The following PRR5 variants were observed in gnomAD, a reference collection of about 807,000 sequenced individuals.
The protein encoded by PRR5 is proline-rich protein 5.
In PRR5, 25 loss-of-function variants were observed where a neutral mutation model predicts 30.6. The ratio of observed to expected loss-of-function variants is 0.82; its 90% CI spans 0.60 to 1.14. The LOEUF (loss-of-function observed/expected upper bound fraction) is 1.14, where lower values mean the gene tolerates loss of function less well. Ranked by LOEUF, PRR5 falls within the 50% of genes most tolerant of loss-of-function variation. The pLI is 0.00. For missense variants in PRR5, 600 were observed against 547.1 expected (o/e 1.10, Z -0.96); for synonymous variants, 286 against 247.1 (o/e 1.16, Z -1.48).
chr22:44,730,354 C>T, intron 4 of PRR5: 2 of 984,934 alleles, frequency 2.0e-6, no homozygotes, highest in Non-Finnish European at 2.4e-6. Flanking sequence ...TTCCAGGGGA[C>T]AGCAGAGGCC....
intron 1 of PRR5, among the ~76,000 whole-genome samples, chr22:44,692,918 C>A (rs1418390187): frequency 1.3e-5 from 2 of 152,096 alleles, no homozygotes; most frequent in Non-Finnish European, 2.9e-5. Flanking sequence ...GGCTGGGATA[C>A]CTTTGCAGAG....
intron 1 of PRR5, among the ~76,000 whole-genome samples, chr22:44,669,567 CAG>C (rs1200767336): frequency 6.6e-6 from 1 of 152,250 alleles, no homozygotes; most frequent in Non-Finnish European, 1.5e-5. Flanking sequence ...CTGACCTAAT[CAG>C]ATGGATTTCT....
chr22:44,701,185 A>G (rs1217886962), upstream of PRR5, among the ~76,000 whole-genome samples: 1 of 152,024 alleles, frequency 6.6e-6, no homozygotes, highest in African/African-American at 2.4e-5. Flanking sequence ...TCTCTCTTAC[A>G]TTTTATATGG....
rs187877854 is a variant in PRR5 at position 44,707,155 on chromosome 22, G to A, written c.134+4547G>A. ...GTCCCTGTTCCCTGCTAGCTCCCAG[G>A]CAGCTCCAGTTCACTCCTCCCTGGG... On this transcript the variant is annotated intron_variant, in intron 1 of 7. Coordinates refer to ENST00000336985, the MANE Select transcript of PRR5 (RefSeq NM_181333.4). 9.3e-3 allele frequency among the ~76,000 whole-genome samples: 1,423 copies of A among 152,302 alleles called. 14 individuals carry two copies. The highest frequency in any genetic ancestry group is 0.015 in the Non-Finnish European group (1,043 of 68,006).
At chr22:44,723,263 C>T (rs1930212195) in intron 2 of PRR5, among the ~76,000 whole-genome samples, 1 of 151,974 alleles carries the variant, frequency 6.6e-6, no homozygotes, top group Admixed American at 6.6e-5. Context: ...GGATTACAGG[C>T]ATGAGCTACT....
chr22:44,735,548 A>T lies in PRR5; in HGVS notation c.691+386A>T, dbSNP rs557101152. ...GGAGGGACTCGGCCTGGGGGTGGGCAGGCTGAGCCCTGTGGGCAGCATCCC... is the reference window on the plus strand; with the variant it reads ...GGAGGGACTCGGCCTGGGGGTGGGCTGGCTGAGCCCTGTGGGCAGCATCCC... On this transcript the variant is annotated intron_variant, in intron 7 of 7. Transcript: ENST00000336985. Among the ~76,000 whole-genome samples the T allele has an allele frequency of 4.8e-3, 730 of 152,286 alleles. 3 individuals carry two copies. Among genetic ancestry groups the T allele is most frequent in the African/African-American group, 0.017 (690 of 41,554 alleles).
At chr22:44,732,148 G>T in intron 5 of PRR5, 103 bp from the exon 6 acceptor site, 1 of 1,541,932 alleles carries the variant, frequency 6.5e-7, no homozygotes, top group Non-Finnish European at 8.8e-7. Context: ...AGGGGCCTGA[G>T]GGTCGGCAGG....
chr22:44,679,925 G>A, intron 1 of PRR5: 9 of 1,537,706 alleles, frequency 5.9e-6, no homozygotes, highest in Non-Finnish European at 7.0e-6. Context: ...GGAGGCAGGT[G>A]TATGGGTGAG....
chr22:44,723,485 C>T (rs757385204), intron 2 of PRR5, among the ~76,000 whole-genome samples: 16 of 152,032 alleles, frequency 1.1e-4, no homozygotes, highest in East Asian at 5.8e-4. Context: ...TTTGGGAGTC[C>T]GAGGCAGGTG....
intron 1 of PRR5, among the ~76,000 whole-genome samples, chr22:44,683,457 AG>A (rs149461669): frequency 0.028 from 4,229 of 152,298 alleles, 87 homozygotes; most frequent in South Asian, 0.046. Context: ...CAGAGGGCCC[AG>A]ACCTAGGTTA....
chr22:44,702,270 A>G lies in PRR5; in HGVS notation c.-205A>G. ...CGCTCCACGCTGAGCCTCTCCGTGCAATGATTAACCCGGCGGGGCGGCCGG... is the reference window on the plus strand; with the variant it reads ...CGCTCCACGCTGAGCCTCTCCGTGCGATGATTAACCCGGCGGGGCGGCCGG... On this transcript the variant is annotated 5_prime_UTR_variant, in exon 1 of 8. Transcript: ENST00000336985. The G allele has an allele frequency of 2.6e-6, 3 of 1,141,176 alleles. No homozygotes were observed. Among genetic ancestry groups the G allele is most frequent in the Non-Finnish European group, 3.2e-6 (3 of 929,114 alleles). 70.7% of individuals were successfully genotyped at this position (1,141,176 alleles called of 1,614,324 possible). A position where few individuals can be genotyped will look rare whatever the true frequency, so the allele number is the denominator to read the frequency against.
At chr22:44,719,543 C>G (rs754003108) in intron 2 of PRR5, among the ~76,000 whole-genome samples, 1 of 152,134 alleles carries the variant, frequency 6.6e-6, no homozygotes, top group Non-Finnish European at 1.5e-5. Context: ...TGGGCGCCCT[C>G]GTTGTGCTCA....
intron 1 of PRR5, among the ~76,000 whole-genome samples, chr22:44,705,616 T>G (rs925832545): frequency 6.6e-6 from 1 of 151,594 alleles, no homozygotes; most frequent in African/African-American, 2.4e-5. Flanking sequence ...TGAGCCACCG[T>G]GCCCAGCCTC....
chr22:44,698,364 AGCAGAG>A (rs2146989131), upstream of PRR5, among the ~76,000 whole-genome samples: 1 of 150,300 alleles, frequency 6.7e-6, no homozygotes. Context: ...ATGAGTCTGG[AGCAGAG>A]GTGGCTCTGG....
At chr22:44,700,094 A>G (rs1310948082), upstream of PRR5, among the ~76,000 whole-genome samples, 1 of 151,368 alleles carries the variant, frequency 6.6e-6, no homozygotes, top group Non-Finnish European at 1.5e-5. Context: ...AAGTGGGAGG[A>G]CTCCTTGAGT....
intron 1 of PRR5, among the ~76,000 whole-genome samples, chr22:44,706,884 C>T (rs970317407): frequency 2.6e-5 from 4 of 152,028 alleles, no homozygotes; most frequent in African/African-American, 9.7e-5. Flanking sequence ...GCCGGGCCCC[C>T]CTTACAGAAC....
At position 44,702,271 on chromosome 22, in the gene PRR5, A is replaced by G. The variant is rs1926434453; in HGVS notation, c.-204A>G. 4 of 1,138,884 alleles carry G rather than the reference A, an allele frequency of 3.5e-6. No individual in the cohort carries two copies. The highest frequency in any genetic ancestry group is 4.3e-6 in the Non-Finnish European group (4 of 927,556). 70.5% of individuals were successfully genotyped at this position (1,138,884 alleles called of 1,614,324 possible). On this transcript the variant is annotated 5_prime_UTR_variant, in exon 1 of 8. It removes an upstream start codon present in the reference 5' UTR. Transcript: ENST00000336985. ...GCTCCACGCTGAGCCTCTCCGTGCA[A>G]TGATTAACCCGGCGGGGCGGCCGGC...
At chr22:44,696,296 G>A (rs1034688477) in intron 1 of PRR5, among the ~76,000 whole-genome samples, 1 of 152,130 alleles carries the variant, frequency 6.6e-6, no homozygotes, top group Non-Finnish European at 1.5e-5. Context: ...TCCAAAACCT[G>A]TCTCTGCAAT....
chr22:44,729,511 C>A, intron 4 of PRR5: 1 of 985,564 alleles, frequency 1.0e-6, no homozygotes, highest in Non-Finnish European at 1.2e-6. Context: ...CTGCCGGCAG[C>A]AAACGCCCAG....
Sources: gnomAD v4.1 joint callset for allele counts (sites outside exome capture counted in the v4.1 genomes callset) on GRCh38, gnomAD v4.1.1 for gene constraint, MANE v1.5 for transcripts, NCBI Gene and HGNC (gene_info 2026-07-23, HGNC 2026-07-21) for gene names.